KCNIP4: variants seen among roughly 807,000 people sequenced by gnomAD.
The protein encoded by KCNIP4 is potassium voltage-gated channel interacting protein 4.
A neutral mutation model predicts 34.0 loss-of-function variants in KCNIP4; 12 were observed. The observed-to-expected ratio is 0.35, with a 90% confidence interval of 0.23 to 0.57. The LOEUF (loss-of-function observed/expected upper bound fraction) is 0.57. Among genes scored for constraint, KCNIP4 ranks in the 20% least tolerant of loss-of-function variants. The pLI, the probability that KCNIP4 is intolerant of heterozygous loss-of-function variation, is 0.83. For missense variants in KCNIP4, 238 were observed against 311.7 expected (o/e 0.76, Z 1.78); for synonymous variants, 124 against 102.2 (o/e 1.21, Z -1.29).
intron 1 of KCNIP4, among the ~76,000 whole-genome samples, chr4:20,905,990 C>A (rs190899398): frequency 1.4e-4 from 22 of 152,138 alleles, no homozygotes; most frequent in African/African-American, 4.8e-4. Flanking sequence ...CACAATTCCA[C>A]CACTAACGGG....
chr4:21,550,623 C>T (rs1371750413), intron 1 of KCNIP4, among the ~76,000 whole-genome samples: 1 of 151,986 alleles, frequency 6.6e-6, no homozygotes, highest in Non-Finnish European at 1.5e-5. Flanking sequence ...GTCCATTTAA[C>T]CTCCCTACCC....
chr4:21,238,748 A>T (rs1298270185), intron 1 of KCNIP4, among the ~76,000 whole-genome samples: 1 of 152,226 alleles, frequency 6.6e-6, no homozygotes, highest in African/African-American at 2.4e-5. Flanking sequence ...CAAATGGAAG[A>T]ACATTCCATG....
intron 1 of KCNIP4, among the ~76,000 whole-genome samples, chr4:21,063,278 G>C (rs1744081668): frequency 6.6e-6 from 1 of 152,066 alleles, no homozygotes; most frequent in Admixed American, 6.6e-5. Flanking sequence ...GTGCAACTTT[G>C]TTATGGCTAG....
At chr4:21,242,212 C>T (rs930284076) in intron 1 of KCNIP4, among the ~76,000 whole-genome samples, 51 of 147,830 alleles carry the variant, frequency 3.4e-4, no homozygotes, top group Non-Finnish European at 7.3e-4. Context: ...TTCCTTAACT[C>T]TCAGGGTTGT....
At chr4:20,949,502 T>C (rs925868504) in intron 1 of KCNIP4, among the ~76,000 whole-genome samples, 1 of 152,076 alleles carries the variant, frequency 6.6e-6, no homozygotes, top group African/African-American at 2.4e-5. Context: ...GCCATCCCAT[T>C]ACTGGGTATA....
At chr4:21,556,920 CAGAAAA>C (rs1333328788) in intron 1 of KCNIP4, among the ~76,000 whole-genome samples, 4 of 35,658 alleles carry the variant, frequency 1.1e-4, no homozygotes, top group Admixed American at 5.6e-4. Flanking sequence ...GACTCCATCT[CAGAAAA>C]AAAAAAAAAA....
At chr4:21,849,951 T>C (rs981655553) in intron 1 of KCNIP4, 5 of 152,076 alleles carry the variant, frequency 3.3e-5, no homozygotes, top group African/African-American at 1.2e-4. Context: ...AAAGCTTATT[T>C]GCTAAAAAAG....
At chr4:20,888,248 T>A (rs954592082) in intron 1 of KCNIP4, among the ~76,000 whole-genome samples, 5 of 152,150 alleles carry the variant, frequency 3.3e-5, no homozygotes, top group Admixed American at 6.6e-5. Flanking sequence ...CACCATATAA[T>A]TAAATCAGAA....
chr4:21,114,740 C>T, intron 1 of KCNIP4, among the ~76,000 whole-genome samples: 1 of 151,934 alleles, frequency 6.6e-6, no homozygotes, highest in Admixed American at 6.6e-5. Flanking sequence ...CATTAAATAC[C>T]ATCATTTTCC....
intron 1 of KCNIP4, among the ~76,000 whole-genome samples, chr4:20,927,621 C>T (rs1360820623): frequency 6.6e-6 from 1 of 151,750 alleles, no homozygotes; most frequent in East Asian, 1.9e-4. Context: ...GTAACTTTAC[C>T]CCCAAAAAAT....
intron 1 of KCNIP4, among the ~76,000 whole-genome samples, chr4:21,191,648 T>C (rs73247389): frequency 0.071 from 10,874 of 152,264 alleles, 449 homozygotes; most frequent in East Asian, 0.15. Flanking sequence ...TGTGCCACCC[T>C]TGGCAGATGA....
chr4:21,766,132 A>G (rs555696089), intron 1 of KCNIP4, among the ~76,000 whole-genome samples: 1 of 152,276 alleles, frequency 6.6e-6, no homozygotes, highest in South Asian at 2.1e-4. Context: ...AGGAAAACTC[A>G]GATGTCTTCC....
At chr4:21,697,584 A>G (rs1712478863) in intron 1 of KCNIP4, 3 of 1,379,732 alleles carry the variant, frequency 2.2e-6, no homozygotes, top group African/African-American at 1.5e-5. Flanking sequence ...ATTAGCTGTT[A>G]GCGCCTCAAT....
At chr4:21,262,646 T>C (rs1260194996) in intron 1 of KCNIP4, among the ~76,000 whole-genome samples, 11 of 152,326 alleles carry the variant, frequency 7.2e-5, no homozygotes. Flanking sequence ...ACCTATTTTT[T>C]ACTTCCCTAC....
chr4:21,941,054 TATCATAATGA>T (rs1419002830), intron 1 of KCNIP4, among the ~76,000 whole-genome samples: 1 of 152,208 alleles, frequency 6.6e-6, no homozygotes, highest in Non-Finnish European at 1.5e-5. Context: ...TTTCTCATGC[TATCATAATGA>T]ATATTCATTA....
intron 1 of KCNIP4, among the ~76,000 whole-genome samples, chr4:21,507,961 T>C (rs1560469626): frequency 6.6e-6 from 1 of 152,224 alleles, no homozygotes; most frequent in Non-Finnish European, 1.5e-5. Flanking sequence ...AAGTTGCATC[T>C]GATGGAATCT....
chr4:20,910,947 C>T (rs1318651544), intron 1 of KCNIP4, among the ~76,000 whole-genome samples: 1 of 151,926 alleles, frequency 6.6e-6, no homozygotes, highest in East Asian at 1.9e-4. Context: ...TTTTTATCCC[C>T]ACATATTAAA....
chr4:20,939,585 G>C (rs930692559), intron 1 of KCNIP4, among the ~76,000 whole-genome samples: 2 of 151,954 alleles, frequency 1.3e-5, no homozygotes, highest in East Asian at 3.9e-4. Flanking sequence ...TGTAGGCCAG[G>C]ATGGTCTCGA....
chr4:21,671,189 C>G, intron 1 of KCNIP4, among the ~76,000 whole-genome samples: 1 of 152,076 alleles, frequency 6.6e-6, no homozygotes, highest in East Asian at 1.9e-4. Flanking sequence ...AAATGTGTCA[C>G]TAAAATATTA....
Sources: allele counts gnomAD v4.1 joint callset (sites outside exome capture counted in the v4.1 genomes callset), GRCh38; gene constraint gnomAD v4.1.1; transcripts MANE v1.5; gene names NCBI Gene and HGNC (gene_info 2026-07-23, HGNC 2026-07-21).